ABCD3: variants seen among roughly 807,000 people sequenced by gnomAD.
ABCD3 encodes ATP-binding cassette sub-family D member 3.
A neutral mutation model predicts 105.5 loss-of-function variants in ABCD3; 41 were observed. That is an observed-to-expected ratio of 0.39 (90% CI 0.30 to 0.50). The LOEUF (loss-of-function observed/expected upper bound fraction) is 0.50. Ranked by LOEUF, ABCD3 falls within the 20% of genes least tolerant of loss-of-function variation. The pLI, the probability that ABCD3 is intolerant of heterozygous loss-of-function variation, is 0.84. For missense variants in ABCD3, 622 were observed against 806.3 expected (o/e 0.77, Z 2.77); for synonymous variants, 258 against 269.0 (o/e 0.96, Z 0.40).
At chr1:94,450,968 T>A (rs1647223042) in intron 1 of ABCD3, among the ~76,000 whole-genome samples, 1 of 152,208 alleles carries the variant, frequency 6.6e-6, no homozygotes, top group South Asian at 2.1e-4. Context: ...TTCTCCTAAT[T>A]TATGAGCATT....
intron 1 of ABCD3, among the ~76,000 whole-genome samples, chr1:94,434,492 A>G (rs1659820996): frequency 6.6e-6 from 1 of 152,200 alleles, no homozygotes; most frequent in Non-Finnish European, 1.5e-5. Context: ...GTGCAGCAGT[A>G]GTTTCATCAC....
At chr1:94,412,618 T>A in the ABCD3 span, among the ~76,000 whole-genome samples, 6 of 152,368 alleles carry the variant, frequency 3.9e-5, no homozygotes, top group African/African-American at 1.4e-4. Context: ...AGAATACATC[T>A]GCAGAGTCAA....
intron 1 of ABCD3, among the ~76,000 whole-genome samples, chr1:94,422,349 G>A (rs940764452): frequency 1.3e-5 from 2 of 152,156 alleles, no homozygotes; most frequent in African/African-American, 4.8e-5. Flanking sequence ...GCACATGTGA[G>A]GGATCTAGGT....
chr1:94,456,613 A>G (rs1200850728), intron 1 of ABCD3, among the ~76,000 whole-genome samples: 1 of 149,090 alleles, frequency 6.7e-6, no homozygotes, highest in Non-Finnish European at 1.5e-5. Context: ...ATTCCATTGT[A>G]TTTATATACC....
At chr1:94,429,102 GT>G (rs1659579164) in intron 1 of ABCD3, among the ~76,000 whole-genome samples, 2 of 152,182 alleles carry the variant, frequency 1.3e-5, no homozygotes, top group Non-Finnish European at 2.9e-5. Context: ...CTCTTGTTAT[GT>G]TTTAGCAAAC....
chr1:94,465,602 A>C (rs1648098699), intron 3 of ABCD3, among the ~76,000 whole-genome samples: 1 of 152,212 alleles, frequency 6.6e-6, no homozygotes, highest in South Asian at 2.1e-4. Flanking sequence ...TCAAAAGACA[A>C]ACCCTTTTAT....
chr1:94,440,921 C>T (rs1660107145), intron 1 of ABCD3, among the ~76,000 whole-genome samples: 2 of 151,956 alleles, frequency 1.3e-5, no homozygotes, highest in Non-Finnish European at 2.9e-5. Flanking sequence ...TAATAAATGC[C>T]AGTAGAATAA....
the ABCD3 span, among the ~76,000 whole-genome samples, chr1:94,395,091 A>T: frequency 6.6e-6 from 1 of 152,178 alleles, no homozygotes; most frequent in Admixed American, 6.5e-5. Flanking sequence ...TAGCCACTAA[A>T]TGCCTTGGGT....
intron 16 of ABCD3, among the ~76,000 whole-genome samples, chr1:94,492,160 A>G (rs1186263976): frequency 6.6e-6 from 1 of 152,148 alleles, no homozygotes; most frequent in Admixed American, 6.6e-5. Flanking sequence ...AGTAGTGGCT[A>G]TGGTATTGGA....
chr1:94,504,099 G>A (rs1239928232), intron 20 of ABCD3, among the ~76,000 whole-genome samples: 3 of 151,346 alleles, frequency 2.0e-5, no homozygotes, highest in East Asian at 3.9e-4. Context: ...TTTTAGTAGA[G>A]ACAGGGTTTC....
At chr1:94,408,723 C>T in the ABCD3 span, among the ~76,000 whole-genome samples, 1 of 152,096 alleles carries the variant, frequency 6.6e-6, no homozygotes, top group Admixed American at 6.6e-5. Flanking sequence ...AAAGCATACT[C>T]CCATGCTAAG....
chr1:94,414,997 G>A (rs1356336050), upstream of ABCD3, among the ~76,000 whole-genome samples: 1 of 152,160 alleles, frequency 6.6e-6, no homozygotes, highest in Admixed American at 6.5e-5. Context: ...CTGCTTCCAA[G>A]ATGGCCCACT....
intron 2 of ABCD3, among the ~76,000 whole-genome samples, chr1:94,462,013 C>T (rs377496781): frequency 6.6e-5 from 10 of 152,310 alleles, no homozygotes; most frequent in Admixed American, 2.6e-4. Context: ...GTCTCACCTA[C>T]GGTGATTGAC....
At chr1:94,419,576 A>G (rs1256065278) in intron 1 of ABCD3, among the ~76,000 whole-genome samples, 1 of 152,210 alleles carries the variant, frequency 6.6e-6, no homozygotes, top group East Asian at 1.9e-4. Flanking sequence ...TTGACATACT[A>G]CTTTCATGAA....
At chr1:94,501,804 G>A (rs537980026) in intron 20 of ABCD3, among the ~76,000 whole-genome samples, 1 of 151,782 alleles carries the variant, frequency 6.6e-6, no homozygotes, top group African/African-American at 2.4e-5. Flanking sequence ...GTATAAATTG[G>A]GCCAAACCCC....
intron 3 of ABCD3, among the ~76,000 whole-genome samples, chr1:94,466,511 G>A (rs1399550389): frequency 1.3e-5 from 2 of 152,130 alleles, no homozygotes; most frequent in African/African-American, 4.8e-5. Context: ...CTGCTTAGGA[G>A]ATCATTGTTT....
At chr1:94,495,330 C>T (rs569580898) in intron 16 of ABCD3, among the ~76,000 whole-genome samples, 11 of 151,806 alleles carry the variant, frequency 7.2e-5, no homozygotes, top group Admixed American at 3.9e-4. Context: ...TTGGTTGATC[C>T]GGTAAAGCAT....
intron 16 of ABCD3, among the ~76,000 whole-genome samples, chr1:94,496,317 A>C (rs918444488): frequency 5.3e-5 from 8 of 152,100 alleles, no homozygotes; most frequent in African/African-American, 1.7e-4. Context: ...TCTAGGAATC[A>C]CATATAAGTG....
chr1:94,395,007 T>A, the ABCD3 span, among the ~76,000 whole-genome samples: 4 of 152,186 alleles, frequency 2.6e-5, no homozygotes, highest in Non-Finnish European at 5.9e-5. Context: ...CTTACATTTG[T>A]CCTTTTCTCT....
Sources: allele counts gnomAD v4.1 joint callset (sites outside exome capture counted in the v4.1 genomes callset), GRCh38; gene constraint gnomAD v4.1.1; transcripts MANE v1.5; gene names NCBI Gene and HGNC (gene_info 2026-07-23, HGNC 2026-07-21).